Variants in ERC1 observed in about 807,000 individuals in gnomAD.
ERC1 encodes the protein ELKS/RAB6-interacting/CAST family member 1, also known as RAB6 interacting protein 2.
In ERC1, 56 loss-of-function variants were observed where a neutral mutation model predicts 132.0. The ratio of observed to expected loss-of-function variants is 0.42; its 90% CI spans 0.34 to 0.53. The LOEUF (loss-of-function observed/expected upper bound fraction) is 0.53. Ranked by LOEUF, ERC1 falls within the 20% of genes least tolerant of loss-of-function variation. ERC1 has a pLI of 0.03. For synonymous variants in ERC1, 478 were observed against 476.1 expected (o/e 1.00, Z -0.05); for missense variants, 1,202 against 1,349.9 (o/e 0.89, Z 1.72).
At chr12:1,307,547 G>T (rs181816678) in intron 15 of ERC1, among the ~76,000 whole-genome samples, 2 of 152,282 alleles carry the variant, frequency 1.3e-5, no homozygotes, top group East Asian at 3.9e-4. Flanking sequence ...TCTGCGTCCT[G>T]CTAAAAATTA....
chr12:1,364,646 C>T (rs1278332308), intron 15 of ERC1, among the ~76,000 whole-genome samples: 1 of 152,196 alleles, frequency 6.6e-6, no homozygotes, highest in African/African-American at 2.4e-5. Flanking sequence ...AAATAGGGCC[C>T]ATGTCAGTTC....
At chr12:1,216,620 G>A (rs2154293122) in intron 12 of ERC1, among the ~76,000 whole-genome samples, 1 of 138,980 alleles carries the variant, frequency 7.2e-6, no homozygotes, top group South Asian at 2.7e-4. Flanking sequence ...AGGGATGGGG[G>A]GTGGGGGGCG....
chr12:1,175,535 ATT>A (rs527757794), intron 8 of ERC1, among the ~76,000 whole-genome samples: 4 of 141,464 alleles, frequency 2.8e-5, no homozygotes, highest in Non-Finnish European at 3.1e-5. Context: ...CATCTGTTCA[ATT>A]TTTTTTTTTT....
intron 15 of ERC1, among the ~76,000 whole-genome samples, chr12:1,306,943 A>G (rs1214822147): frequency 6.6e-6 from 1 of 152,204 alleles, no homozygotes; most frequent in Non-Finnish European, 1.5e-5. Flanking sequence ...GGGAGGTTTC[A>G]GATGGAGATA....
chr12:1,433,241 C>T (rs1361602506), intron 17 of ERC1, among the ~76,000 whole-genome samples: 7 of 152,182 alleles, frequency 4.6e-5, no homozygotes, highest in Non-Finnish European at 1.5e-5. Flanking sequence ...CAGATAAGGG[C>T]AAGCATGCAG....
At chr12:1,301,215 A>G (rs7960869) in intron 15 of ERC1, among the ~76,000 whole-genome samples, 175 of 152,264 alleles carry the variant, frequency 1.1e-3, no homozygotes, top group African/African-American at 4.0e-3. Context: ...AGATATGGAT[A>G]AAAATCTATA....
At chr12:1,094,453 C>A (rs1236315519) in intron 3 of ERC1, among the ~76,000 whole-genome samples, 1 of 149,156 alleles carries the variant, frequency 6.7e-6, no homozygotes, top group Non-Finnish European at 1.5e-5. Flanking sequence ...CTCTATCGCC[C>A]AGGCTGGAGT....
intron 2 of ERC1, among the ~76,000 whole-genome samples, chr12:1,070,955 G>C (rs1940233787): frequency 1.3e-5 from 2 of 152,168 alleles, no homozygotes; most frequent in African/African-American, 4.8e-5. Context: ...CATACAGTCT[G>C]TACCCTGTTG....
intron 17 of ERC1, among the ~76,000 whole-genome samples, chr12:1,411,615 C>T (rs1694512131): frequency 6.6e-6 from 1 of 152,150 alleles, no homozygotes; most frequent in Non-Finnish European, 1.5e-5. Context: ...TGAGAGCAGT[C>T]AATGTGCTAA....
rs1007798676 is a variant in ERC1 at position 1,119,540 on chromosome 12, T to A, written c.1569+3507T>A. Among the ~76,000 whole-genome samples the A allele has an allele frequency of 1.2e-3, 93 of 76,996 alleles. 3 individuals carry two copies. The highest frequency in any genetic ancestry group is 4.4e-3 in the African/African-American group (85 of 19,318). 50.5% of individuals were successfully genotyped at this position (76,996 alleles called of 152,430 possible). On this transcript the variant is annotated intron_variant, in intron 7 of 18. Transcript: ENST00000360905. ...GTGTGTGTGTGTGTGTGTGTGTGTG[T>A]GTGTGTGTGTGTGTGTGTGTGTGTG...
chr12:1,136,335 A>G (rs762613894), intron 7 of ERC1, among the ~76,000 whole-genome samples: 8 of 152,294 alleles, frequency 5.3e-5, no homozygotes, highest in Non-Finnish European at 8.8e-5. Context: ...TATCTTCCTC[A>G]CCAGCCATCT....
Position 1,028,136 on chromosome 12 carries a change from A to G in ERC1, c.233A>G (p.Glu78Gly), listed in dbSNP as rs1459963176. 1 of 1,614,192 alleles carries G rather than the reference A, an allele frequency of 6.2e-7. No individual in the cohort carries two copies. Among genetic ancestry groups the G allele is most frequent in the East Asian group, 2.2e-5 (1 of 44,886 alleles). Residue 78 changes from glutamate to glycine, a missense_variant, in exon 2 of 19, where the codon GAA becomes GGA. Glu to Gly is a moderately conservative substitution (Grantham distance 98, BLOSUM62 -2). Transcript: ENST00000360905. ...TSGPMYLSDH[E>G]NVGSETPKST... is the part of the protein sequence containing the mutation. ...GGCCCTATGTATCTAAGTGACCATGAAAATGTGGGTTCAGAAACACCTAAA... is the reference window on the plus strand; with the variant it reads ...GGCCCTATGTATCTAAGTGACCATGGAAATGTGGGTTCAGAAACACCTAAA...
chr12:1,096,586 G>A (rs185698322), intron 3 of ERC1, among the ~76,000 whole-genome samples: 9 of 152,320 alleles, frequency 5.9e-5, no homozygotes, highest in Admixed American at 5.2e-4. Flanking sequence ...ACTAGGCTGG[G>A]AGGAGGCTGA....
At chr12:1,442,939 G>A (rs568016976) in intron 17 of ERC1, among the ~76,000 whole-genome samples, 2 of 151,806 alleles carry the variant, frequency 1.3e-5, no homozygotes, top group South Asian at 4.1e-4. Context: ...AGACAGTCTC[G>A]CTCTATCGCT....
At chr12:1,439,014 A>G (rs1270263767) in intron 17 of ERC1, among the ~76,000 whole-genome samples, 1 of 151,942 alleles carries the variant, frequency 6.6e-6, no homozygotes, top group African/African-American at 2.4e-5. Context: ...GTACCCCATG[A>G]GAAAATACCT....
Position 1,387,729 on chromosome 12 carries a change from C to G in ERC1, c.2925+15752C>G, listed in dbSNP as rs561339278. Among the ~76,000 whole-genome samples, 14 of 152,312 alleles carry G rather than the reference C, an allele frequency of 9.2e-5. No homozygotes were observed. In the East Asian group the frequency reaches 2.1e-3, roughly 23 times the overall value. On this transcript the variant is annotated intron_variant, in intron 16 of 18. Transcript: ENST00000360905. ...CTTAGCATCTCCACAGGGAACATGG[C>G]CCTGCCAACACCATACTTTTGGACT...
intron 2 of ERC1, among the ~76,000 whole-genome samples, chr12:1,038,959 T>C (rs1247154930): frequency 1.3e-5 from 2 of 151,884 alleles, no homozygotes; most frequent in Non-Finnish European, 2.9e-5. Flanking sequence ...GTCCCAGCAC[T>C]TTGGGAGGCC....
chr12:1,292,801 A>G (rs1455305561), intron 15 of ERC1, among the ~76,000 whole-genome samples: 3 of 152,096 alleles, frequency 2.0e-5, no homozygotes, highest in Non-Finnish European at 4.4e-5. Flanking sequence ...ACCTGAGGTC[A>G]GGAGTTCTAG....
At chr12:1,174,195 G>A (rs1172711387) in intron 8 of ERC1, among the ~76,000 whole-genome samples, 1 of 152,344 alleles carries the variant, frequency 6.6e-6, no homozygotes, top group South Asian at 2.1e-4. Flanking sequence ...GCGTGTTTCG[G>A]GTTTGTTCAG....
Sources: allele counts gnomAD v4.1 joint callset (sites outside exome capture counted in the v4.1 genomes callset), GRCh38; gene constraint gnomAD v4.1.1; transcripts MANE v1.5; gene names NCBI Gene and HGNC (gene_info 2026-07-23, HGNC 2026-07-21).